Variants in GRIA2 observed in about 807,000 individuals in gnomAD.
The protein encoded by GRIA2 is glutamate ionotropic receptor AMPA type subunit 2.
Under a neutral mutation model 97.3 loss-of-function variants are expected in GRIA2, and 14 were observed. That is an observed-to-expected ratio of 0.14 (90% CI 0.10 to 0.23). The LOEUF is 0.23. Ranked by LOEUF, GRIA2 falls within the 10% of genes least tolerant of loss-of-function variation. GRIA2 has a pLI of 1.00. For synonymous variants in GRIA2, 412 were observed against 387.8 expected, an observed-to-expected ratio of 1.06 and a Z score of -0.73; for missense variants, 558 against 1,069.8, an observed-to-expected ratio of 0.52 and a Z score of 6.67.
chr4:157,362,655 T>C (rs959442260), intron 14 of GRIA2, 144 bp from the exon 15 acceptor site: 5 of 736,284 alleles, frequency 6.8e-6, no homozygotes, highest in African/African-American at 3.5e-5. Flanking sequence ...AAATGGACCA[T>C]CTAAGAGAAA....
At chr4:157,328,932 A>G (rs1734927132) in intron 6 of GRIA2, among the ~76,000 whole-genome samples, 1 of 151,990 alleles carries the variant, frequency 6.6e-6, no homozygotes, top group South Asian at 2.1e-4. Flanking sequence ...GGAAAATGTG[A>G]TAGAGCTTGT....
intron 12 of GRIA2, among the ~76,000 whole-genome samples, chr4:157,355,477 G>A (rs1736209786): frequency 6.7e-6 from 1 of 148,542 alleles, no homozygotes; most frequent in Admixed American, 6.8e-5. Context: ...GCAGTGAGCC[G>A]AGATCATGCC....
intron 2 of GRIA2, among the ~76,000 whole-genome samples, chr4:157,222,699 A>C (rs1729558312): frequency 6.6e-6 from 1 of 152,204 alleles, no homozygotes; most frequent in Admixed American, 6.5e-5. Flanking sequence ...GAAGTCGCTG[A>C]TCAGCCATTT....
intron 2 of GRIA2, among the ~76,000 whole-genome samples, chr4:157,241,953 A>C (rs1198960243): frequency 6.6e-6 from 1 of 152,136 alleles, no homozygotes; most frequent in Non-Finnish European, 1.5e-5. Flanking sequence ...TGTGTGTTCC[A>C]CATTACCAAT....
At chr4:157,315,848 A>G (rs1343857165) in intron 4 of GRIA2, among the ~76,000 whole-genome samples, 2 of 152,154 alleles carry the variant, frequency 1.3e-5, no homozygotes, top group African/African-American at 4.8e-5. Context: ...TTATCATTTT[A>G]TAAAACTTTG....
chr4:157,292,999 TA>T (rs2126840030), intron 2 of GRIA2, among the ~76,000 whole-genome samples: 1 of 152,224 alleles, frequency 6.6e-6, no homozygotes, highest in South Asian at 2.1e-4. Context: ...TTGCCATTAT[TA>T]AAACAAAAAT....
At chr4:157,331,649 A>T (rs1474283525) in intron 6 of GRIA2, among the ~76,000 whole-genome samples, 1 of 151,996 alleles carries the variant, frequency 6.6e-6, no homozygotes, top group Non-Finnish European at 1.5e-5. Flanking sequence ...GATGTCCTGT[A>T]TTGTCATCTC....
chr4:157,275,210 AGTTT>A (rs1337239205), intron 2 of GRIA2, among the ~76,000 whole-genome samples: 3 of 148,432 alleles, frequency 2.0e-5, no homozygotes, highest in East Asian at 4.0e-4. Flanking sequence ...CTTTTTGATG[AGTTT>A]GTTTGTTTTT....
At chr4:157,253,698 A>G (rs1731113707) in intron 2 of GRIA2, among the ~76,000 whole-genome samples, 1 of 152,130 alleles carries the variant, frequency 6.6e-6, no homozygotes, top group African/African-American at 2.4e-5. Flanking sequence ...TCTTTATAGA[A>G]ATCAAAATGA....
At chr4:157,319,405 C>T (rs985071920) in intron 5 of GRIA2, among the ~76,000 whole-genome samples, 1 of 152,040 alleles carries the variant, frequency 6.6e-6, no homozygotes, top group Non-Finnish European at 1.5e-5. Context: ...TTTGAATGAC[C>T]AAATTAAAAA....
In GRIA2 at chr4:157,221,704, T is replaced by C. The variant is rs140440147; in HGVS notation, c.126T>C (p.Ser42=). The change falls in exon 2 of 16, where the codon AGT becomes AGC. Residue 42 remains serine (S), a synonymous_variant. Transcript: ENST00000264426. The stretch of plus-strand genomic sequence containing the variant: ...CTAGGGGCGCCGATCAAGAATACAG[T>C]GCATTTCGAGTAGGGATGGTTCAGT... ...LFPRGADQEY[S]AFRVGMVQFS... 3.5e-5 allele frequency: 56 copies of C among 1,614,084 alleles called. No homozygotes were observed. In the African/African-American group the frequency reaches 4.7e-4, roughly 13 times the overall value.
intron 6 of GRIA2, among the ~76,000 whole-genome samples, chr4:157,323,204 A>G (rs918585478): frequency 2.0e-5 from 3 of 151,750 alleles, no homozygotes; most frequent in Non-Finnish European, 2.9e-5. Flanking sequence ...GCGTGGTGGC[A>G]GGCTCCTGTA....
chr4:157,245,127 A>G (rs922238978), intron 2 of GRIA2, among the ~76,000 whole-genome samples: 9 of 152,078 alleles, frequency 5.9e-5, no homozygotes, highest in African/African-American at 2.2e-4. Context: ...ATTATTTTCA[A>G]ACATAGGATG....
intron 2 of GRIA2, among the ~76,000 whole-genome samples, chr4:157,297,416 C>T (rs1048451304): frequency 3.3e-5 from 5 of 152,058 alleles, no homozygotes; most frequent in African/African-American, 9.7e-5. Context: ...TTAATTAGAA[C>T]ATTAAGATGT....
At chr4:157,251,937 T>C (rs192307068) in intron 2 of GRIA2, among the ~76,000 whole-genome samples, 2 of 152,196 alleles carry the variant, frequency 1.3e-5, no homozygotes, top group African/African-American at 2.4e-5. Context: ...AAAATAACAA[T>C]CATTTTCATA....
At chr4:157,254,594 A>G (rs1172747435) in intron 2 of GRIA2, among the ~76,000 whole-genome samples, 3 of 152,116 alleles carry the variant, frequency 2.0e-5, no homozygotes, top group Non-Finnish European at 2.9e-5. Context: ...AATATCCAGC[A>G]AACATGTTAA....
At chr4:157,275,388 C>T (rs1226955780) in intron 2 of GRIA2, among the ~76,000 whole-genome samples, 1 of 152,136 alleles carries the variant, frequency 6.6e-6, no homozygotes, top group African/African-American at 2.4e-5. Context: ...TCCCATTTGT[C>T]AATTTTGGCT....
intron 2 of GRIA2, among the ~76,000 whole-genome samples, chr4:157,237,289 GTT>G (rs541148827): frequency 0.012 from 1,639 of 142,328 alleles, 30 homozygotes; most frequent in African/African-American, 0.037. Context: ...AAATGTATAA[GTT>G]TTTTTTTTTT....
At chr4:157,244,810 C>T (rs940967015) in intron 2 of GRIA2, among the ~76,000 whole-genome samples, 1 of 151,974 alleles carries the variant, frequency 6.6e-6, no homozygotes, top group African/African-American at 2.4e-5. Flanking sequence ...CTCAGGGTCA[C>T]CATTTCCCTC....
Sources: gnomAD v4.1 joint callset for allele counts (sites outside exome capture counted in the v4.1 genomes callset) on GRCh38, gnomAD v4.1.1 for gene constraint, MANE v1.5 for transcripts, NCBI Gene and HGNC (gene_info 2026-07-23, HGNC 2026-07-21) for gene names.